Variants in HMGN3 observed in about 807,000 individuals in gnomAD.
HMGN3 encodes high mobility group nucleosomal binding domain 3.
In HMGN3, 6 loss-of-function variants were observed where a neutral mutation model predicts 18.8. The ratio of observed to expected loss-of-function variants is 0.32; its 90% CI spans 0.18 to 0.63. HMGN3 has a LOEUF of 0.63. Among genes scored for constraint, HMGN3 ranks in the 30% least tolerant of loss-of-function variants. The pLI is 0.79. For synonymous variants in HMGN3, 40 were observed against 36.5 expected (o/e 1.10, Z -0.35); for missense variants, 107 against 114.2 (o/e 0.94, Z 0.29).
chr6:79,212,605 G>C (rs1776754379), intron 2 of HMGN3, among the ~76,000 whole-genome samples: 1 of 152,196 alleles, frequency 6.6e-6, no homozygotes, highest in African/African-American at 2.4e-5. Context: ...AATAATGGAT[G>C]TAAAAGGGTT....
intron 1 of HMGN3, 144 bp downstream of exon 1, chr6:79,234,402 G>A: frequency 2.8e-6 from 2 of 718,290 alleles, no homozygotes; most frequent in South Asian, 3.3e-5. Flanking sequence ...GTCTGCAACA[G>A]GCATCTAAAA....
intron 1 of HMGN3, among the ~76,000 whole-genome samples, chr6:79,217,465 T>C (rs1014701359): frequency 7.9e-5 from 12 of 152,168 alleles, no homozygotes; most frequent in African/African-American, 2.7e-4. Context: ...TATGATCAAG[T>C]GAGATACTGG....
intron 1 of HMGN3, among the ~76,000 whole-genome samples, chr6:79,223,794 C>A (rs1299901058): frequency 6.7e-6 from 1 of 150,328 alleles, no homozygotes; most frequent in East Asian, 1.9e-4. Flanking sequence ...GCAGAAAGCA[C>A]GTGGCTCAAT....
intron 2 of HMGN3, among the ~76,000 whole-genome samples, chr6:79,209,489 T>A (rs1561987207): frequency 6.6e-6 from 1 of 152,228 alleles, no homozygotes; most frequent in Non-Finnish European, 1.5e-5. Context: ...TATTCACTGC[T>A]CCATCTCCAG....
At chr6:79,212,348 C>T (rs1776735648) in intron 2 of HMGN3, among the ~76,000 whole-genome samples, 1 of 152,200 alleles carries the variant, frequency 6.6e-6, no homozygotes, top group Admixed American at 6.5e-5. Context: ...AAAAATAGCA[C>T]TTCTCTGACA....
intron 1 of HMGN3, among the ~76,000 whole-genome samples, chr6:79,233,331 A>T (rs1277562020): frequency 2.0e-5 from 3 of 152,230 alleles, no homozygotes; most frequent in African/African-American, 7.2e-5. Flanking sequence ...GTGGGGTAGG[A>T]GACAAGTTTC....
intron 4 of HMGN3, 123 bp downstream of exon 4, chr6:79,203,457 T>C: frequency 1.2e-6 from 1 of 863,510 alleles, no homozygotes; most frequent in Non-Finnish European, 1.9e-6. Flanking sequence ...AGCAAGCCCG[T>C]AACAGTGGTA....
intron 1 of HMGN3, among the ~76,000 whole-genome samples, chr6:79,230,110 A>G (rs1038616453): frequency 6.6e-6 from 1 of 152,260 alleles, no homozygotes; most frequent in African/African-American, 2.4e-5. Context: ...ACAATAAAAA[A>G]GAATGATGTA....
chr6:79,226,911 C>T (rs1300039713), intron 1 of HMGN3, among the ~76,000 whole-genome samples: 2 of 152,190 alleles, frequency 1.3e-5, no homozygotes, highest in Non-Finnish European at 2.9e-5. Context: ...AGAACCCCTA[C>T]GTGATTTGAC....
intron 1 of HMGN3, among the ~76,000 whole-genome samples, chr6:79,227,674 C>T (rs1777628799): frequency 3.3e-5 from 5 of 152,152 alleles, no homozygotes; most frequent in Admixed American, 3.3e-4. Context: ...GAATTAGGAA[C>T]TTAGCAGCTA....
intron 1 of HMGN3, among the ~76,000 whole-genome samples, chr6:79,229,355 C>T (rs1777724921): frequency 6.6e-6 from 1 of 152,094 alleles, no homozygotes; most frequent in Admixed American, 6.5e-5. Flanking sequence ...AATAATAAGA[C>T]AACCCAATTA....
intron 1 of HMGN3, among the ~76,000 whole-genome samples, chr6:79,215,579 C>A (rs1289027601): frequency 6.6e-6 from 1 of 152,258 alleles, no homozygotes; most frequent in Non-Finnish European, 1.5e-5. Flanking sequence ...AACTCCCAGC[C>A]TTGGCATGAC....
At chr6:79,201,980 T>A in intron 5 of HMGN3, 83 bp downstream of exon 6, 1 of 1,474,514 alleles carries the variant, frequency 6.8e-7, no homozygotes, top group South Asian at 1.4e-5. Context: ...CCACTCTTCA[T>A]AATGATTAAA....
chr6:79,216,605 C>A (rs1268160644), intron 1 of HMGN3, among the ~76,000 whole-genome samples: 2 of 152,214 alleles, frequency 1.3e-5, no homozygotes, highest in African/African-American at 4.8e-5. Flanking sequence ...AATTAACCAT[C>A]TCCCCTCCTC....
At chr6:79,211,498 C>T (rs1464715090) in intron 2 of HMGN3, among the ~76,000 whole-genome samples, 1 of 144,352 alleles carries the variant, frequency 6.9e-6, no homozygotes, top group Non-Finnish European at 1.5e-5. Context: ...TGTGAATCCT[C>T]AGGAAAAGTG....
intron 1 of HMGN3, among the ~76,000 whole-genome samples, chr6:79,221,763 G>A (rs1777295413): frequency 6.6e-6 from 1 of 152,192 alleles, no homozygotes; most frequent in African/African-American, 2.4e-5. Context: ...AGGCAGAGAA[G>A]TTTAACGCTA....
intron 1 of HMGN3, among the ~76,000 whole-genome samples, chr6:79,228,985 G>A (rs781411865): frequency 5.3e-5 from 8 of 152,250 alleles, no homozygotes; most frequent in Non-Finnish European, 8.8e-5. Flanking sequence ...AGGCAATTCA[G>A]TAGAGAAAGG....
chr6:79,230,976 A>G (rs769392505), intron 1 of HMGN3, among the ~76,000 whole-genome samples: 3 of 152,214 alleles, frequency 2.0e-5, no homozygotes, highest in African/African-American at 4.8e-5. Context: ...TTCCATTTTA[A>G]GGAAACAGAT....
intron 1 of HMGN3, among the ~76,000 whole-genome samples, chr6:79,216,495 A>G (rs574881219): frequency 1.3e-5 from 2 of 152,342 alleles, no homozygotes; most frequent in East Asian, 3.9e-4. Context: ...CAAAGGACCC[A>G]GTGACCTTTC....
Sources: allele counts gnomAD v4.1 joint callset (sites outside exome capture counted in the v4.1 genomes callset), GRCh38; gene constraint gnomAD v4.1.1; transcripts MANE v1.5; gene names NCBI Gene and HGNC (gene_info 2026-07-23, HGNC 2026-07-21).